FRMPD3: variants seen among roughly 807,000 people sequenced by gnomAD.
The protein encoded by FRMPD3 is FERM and PDZ domain containing 3.
A neutral mutation model predicts 97.9 loss-of-function variants in FRMPD3; 42 were observed. That is an observed-to-expected ratio of 0.43 (90% CI 0.34 to 0.55). The LOEUF is 0.55. FRMPD3 is among the 20% of genes least tolerant of loss of function. FRMPD3 has a pLI of 0.03. For missense variants in FRMPD3, 1,303 were observed against 1,457.7 expected (o/e 0.89, Z 1.73); for synonymous variants, 577 against 581.1 (o/e 0.99, Z 0.10).
rs1462937586 is a variant in FRMPD3, at chrX:107,604,022, C to G, written c.*649C>G. 9.1e-6 allele frequency: 1 copy of G among 110,463 alleles called. No homozygotes were observed. Among genetic ancestry groups the G allele is most frequent in the Non-Finnish European group, 1.9e-5 (1 of 52,832 alleles). The allele number at this position is 110,463 out of a possible 1,213,427, so 9.1% of individuals were successfully genotyped here. A position where few individuals can be genotyped will look rare whatever the true frequency, so the allele number is the denominator to read the frequency against. On this transcript the variant is annotated 3_prime_UTR_variant, in exon 15 of 15. Transcript: ENST00000683843. ...TCCAGTAGCTCCACACCAGCCATCC[C>G]CAAAGTGCCCTGCCCCTCACTGATG...
chrX:107,478,840 C>A lies in FRMPD3; in HGVS notation c.-8+28835C>A, dbSNP rs1156715005. Among the ~76,000 whole-genome samples the A allele has an allele frequency of 3.6e-5, 4 of 111,892 alleles. No homozygotes were observed. The Admixed American group carries it at 3.8e-4, about 11-fold the overall frequency. The stretch of plus-strand genomic sequence containing the variant: ...AAATACAGAGACTAAGCAGCTCAAA[C>A]ATGTGAGGGGCTTGTGTTCTGTGCT... On this transcript the variant is annotated intron_variant, in intron 1 of 14. Coordinates refer to ENST00000683843, the MANE Select transcript of FRMPD3 (RefSeq NM_001388459.1).
In FRMPD3 at chrX:107,567,191, G is replaced by T. The variant is rs746976798; in HGVS notation, c.1296+2125G>T. Reference sequence around the variant, plus strand: ...TTAGAGATGGGGGTCTTGCTATGTTGCCCAGGCTTGTCTTGAACTCCTGGG... The same window carrying T: ...TTAGAGATGGGGGTCTTGCTATGTTTCCCAGGCTTGTCTTGAACTCCTGGG... On this transcript the variant is annotated intron_variant, in intron 12 of 14. Transcript: ENST00000683843. 1.4e-4 allele frequency among the ~76,000 whole-genome samples: 16 copies of T among 110,809 alleles called. No homozygotes were observed. In the South Asian group the frequency reaches 2.8e-3, roughly 19 times the overall value.
rs767577186 is a variant in FRMPD3 at position 107,600,608 on chromosome X, C to T, written c.2569C>T (p.Arg857Trp). 28 of 1,208,072 alleles carry T rather than the reference C, an allele frequency of 2.3e-5. No homozygotes were observed. The South Asian group carries it at 2.5e-4, about 11-fold the overall frequency. Residue 857 changes from arginine to tryptophan, a missense_variant, in exon 15 of 15, where the codon CGG (arginine) becomes TGG (tryptophan). By Grantham distance (101) the Arg-to-Trp change is moderately radical. This residue lies in a region of FRMPD3 where 764 missense variants were observed against 820.2 expected (regional missense o/e 0.93). Coordinates refer to ENST00000683843, the MANE Select transcript of FRMPD3 (RefSeq NM_001388459.1). Reference protein sequence around the residue: ...TGQSPGPPGARRKLPQSEGQV... With the variant: ...TGQSPGPPGAWRKLPQSEGQV... ...CCAGAGTCCTGGCCCCCCTGGCGCTCGGAGGAAGCTGCCCCAGTCAGAGGG... is the reference window on the plus strand; with the variant it reads ...CCAGAGTCCTGGCCCCCCTGGCGCTTGGAGGAAGCTGCCCCAGTCAGAGGG...
rs146965353 is a variant in FRMPD3 at position 107,569,626 on chromosome X, C to G, written c.1296+4560C>G. On this transcript the variant is annotated intron_variant, in intron 12 of 14. Transcript: ENST00000683843. ...CAGCTGGGCACATCTCTCCCCATCT[C>G]TTTGTTCAGTGCCATCATGTTAATA... 1.6e-3 allele frequency among the ~76,000 whole-genome samples: 180 copies of G among 111,160 alleles called. 2 individuals are homozygous for G. The East Asian group carries it at 0.04, about 25-fold the overall frequency.
intron 4 of FRMPD3, among the ~76,000 whole-genome samples, chrX:107,541,017 G>C: frequency 8.8e-6 from 1 of 113,000 alleles, no homozygotes; most frequent in Non-Finnish European, 1.9e-5. Context: ...ATATGTGGTA[G>C]CACAAAAGCA....
chrX:107,457,605 C>A (rs1237111839), intron 1 of FRMPD3, among the ~76,000 whole-genome samples: 1 of 111,968 alleles, frequency 8.9e-6, no homozygotes, highest in Non-Finnish European at 1.9e-5. Context: ...CCCACTCTTC[C>A]ACCCAATATG....
chrX:107,496,623 G>A (rs772130264), intron 1 of FRMPD3, among the ~76,000 whole-genome samples: 11 of 112,075 alleles, frequency 9.8e-5, no homozygotes, highest in Non-Finnish European at 1.5e-4. Context: ...TCACCACTGT[G>A]TCTGACTGTG....
intron 12 of FRMPD3, among the ~76,000 whole-genome samples, chrX:107,572,818 G>A (rs905495391): frequency 5.5e-5 from 6 of 109,427 alleles, no homozygotes; most frequent in Non-Finnish European, 9.5e-5. Context: ...GCTGAGGTGG[G>A]AGGATCACTT....
At chrX:107,451,209 G>A (rs1444536356) in intron 1 of FRMPD3, among the ~76,000 whole-genome samples, 1 of 112,023 alleles carries the variant, frequency 8.9e-6, no homozygotes, top group Non-Finnish European at 1.9e-5. Flanking sequence ...GGAGTCCACC[G>A]GGTGGTCTTA....
At chrX:107,560,529 G>T in intron 9 of FRMPD3, 136 bp downstream of exon 9, 8 of 921,049 alleles carry the variant, frequency 8.7e-6, no homozygotes, top group Non-Finnish European at 1.2e-5. Flanking sequence ...CTCATATCTA[G>T]ACTATGAAGC....
At chrX:107,547,572 G>A (rs945297894) in intron 5 of FRMPD3, among the ~76,000 whole-genome samples, 1 of 111,710 alleles carries the variant, frequency 9.0e-6, no homozygotes, top group Non-Finnish European at 1.9e-5. Flanking sequence ...CATAGTGTGA[G>A]GCTCTTGTCT....
chrX:107,579,139 C>T (rs903155170), intron 13 of FRMPD3, among the ~76,000 whole-genome samples: 2 of 111,855 alleles, frequency 1.8e-5, no homozygotes, highest in Non-Finnish European at 3.8e-5. Context: ...TGGGCTTTTC[C>T]CCCAGGGTCC....
rs755528491 is a variant in FRMPD3 at position 107,450,548 on chromosome X, GC to G, written c.-8+547del. ...TACCCGGCGCTCAGCCACACAGTCA[GC>G]CCCATGCAAAGACCACACACACACA... On this transcript the variant is annotated intron_variant, in intron 1 of 14. Coordinates refer to ENST00000683843, the MANE Select transcript of FRMPD3 (RefSeq NM_001388459.1). Among the ~76,000 whole-genome samples, 4 of 99,741 alleles carry G rather than the reference GC, an allele frequency of 4.0e-5. No individual in the cohort carries two copies. In the East Asian group the frequency reaches 9.6e-4, roughly 24 times the overall value. The allele number at this position is 99,741 out of a possible 115,157, so 86.6% of individuals were successfully genotyped here.
chrX:107,510,335 G>A (rs1181606262), intron 1 of FRMPD3, among the ~76,000 whole-genome samples: 1 of 111,015 alleles, frequency 9.0e-6, no homozygotes, highest in African/African-American at 3.3e-5. Flanking sequence ...AGAGCTTGTG[G>A]GTTCTCAGGA....
intron 9 of FRMPD3, 133 bp from the exon 10 acceptor site, chrX:107,560,594 T>C: frequency 1.1e-6 from 1 of 895,803 alleles, no homozygotes; most frequent in Non-Finnish European, 1.5e-6. Context: ...TTCCTATCCC[T>C]GTCCCTTTTT....
intron 13 of FRMPD3, among the ~76,000 whole-genome samples, chrX:107,591,036 G>A (rs1923875026): frequency 9.0e-6 from 1 of 111,350 alleles, no homozygotes; most frequent in African/African-American, 3.3e-5. Flanking sequence ...TTTTTTCGGG[G>A]GTGAGGGAGG....
In FRMPD3 at chrX:107,533,402, T is replaced by C. The variant is rs763470607; in HGVS notation, c.252-103T>C. ...TCAGATTGCCCTCTATCCTAATCCA[T>C]ATACCTGAATAAAGCCAGGGGAAGA... On this transcript the variant is annotated intron_variant, in intron 3 of 14. Transcript: ENST00000683843. The C allele has an allele frequency of 2.6e-5, 18 of 700,628 alleles. No homozygotes were observed. In the South Asian group the frequency reaches 4.0e-4, roughly 16 times the overall value. 57.7% of individuals were successfully genotyped at this position (700,628 alleles called of 1,213,427 possible).
intron 1 of FRMPD3, among the ~76,000 whole-genome samples, chrX:107,521,923 A>C (rs1470697619): frequency 8.9e-6 from 1 of 112,833 alleles, no homozygotes; most frequent in Non-Finnish European, 1.9e-5. Context: ...GCATCAGCTT[A>C]GAATCATTCC....
At chrX:107,581,645 G>A (rs181950915) in intron 13 of FRMPD3, among the ~76,000 whole-genome samples, 8 of 111,058 alleles carry the variant, frequency 7.2e-5, no homozygotes, top group African/African-American at 2.0e-4. Context: ...ACCCATTAGC[G>A]GTCACTCCCT....
Sources: allele counts gnomAD v4.1 joint callset (sites outside exome capture counted in the v4.1 genomes callset), GRCh38; gene constraint gnomAD v4.1.1; regional missense constraint gnomAD v4.1.1; transcripts MANE v1.5; gene names NCBI Gene and HGNC (gene_info 2026-07-23, HGNC 2026-07-21).